Variants in SESN1 observed in about 807,000 individuals in gnomAD.
SESN1 encodes the protein sestrin-1.
SESN1 carries 30 observed loss-of-function variants against 59.3 expected under a neutral mutation model. That is an observed-to-expected ratio of 0.51 (90% CI 0.38 to 0.69). The LOEUF (loss-of-function observed/expected upper bound fraction) is 0.69, where lower values mean the gene tolerates loss of function less well. SESN1 is among the 30% of genes least tolerant of loss of function. The pLI is 0.00. For missense variants in SESN1, 566 were observed against 673.0 expected (o/e 0.84, Z 1.76); for synonymous variants, 197 against 219.9 (o/e 0.90, Z 0.92).
chr6:109,070,898 T>C (rs1005929540), intron 1 of SESN1, among the ~76,000 whole-genome samples: 3 of 152,188 alleles, frequency 2.0e-5, no homozygotes, highest in African/African-American at 7.2e-5. Context: ...TGCTGACCCA[T>C]AGGCTACACC....
chr6:109,001,631 C>T, intron 2 of SESN1, 143 bp from the exon 3 acceptor site: 1 of 704,868 alleles, frequency 1.4e-6, no homozygotes, highest in Non-Finnish European at 2.4e-6. Flanking sequence ...TTAAACTCAA[C>T]TGGTTGAAAG....
At chr6:109,026,353 T>C (rs577977619) in intron 1 of SESN1, among the ~76,000 whole-genome samples, 1 of 152,298 alleles carries the variant, frequency 6.6e-6, no homozygotes, top group African/African-American at 2.4e-5. Flanking sequence ...AAAAGTTCTT[T>C]GTATTTAAGA....
intron 1 of SESN1, among the ~76,000 whole-genome samples, chr6:109,071,303 A>C (rs1323298835): frequency 6.6e-6 from 1 of 152,056 alleles, no homozygotes; most frequent in South Asian, 2.1e-4. Context: ...GAGGGTAAGA[A>C]GAGGTGCTAT....
chr6:109,010,681 TATACTGCTTTTAA>T, intron 1 of SESN1, among the ~76,000 whole-genome samples: 1 of 152,242 alleles, frequency 6.6e-6, no homozygotes, highest in Non-Finnish European at 1.5e-5. Flanking sequence ...ATATGTTCTC[TATACTGCTTTTAA>T]AAAATAGCTA....
Position 109,032,059 on chromosome 6 carries a change from CGA to C in SESN1, c.280-29718_280-29717del, listed in dbSNP as rs1214963198. 3.9e-5 allele frequency among the ~76,000 whole-genome samples: 6 copies of C among 152,076 alleles called. No individual in the cohort carries two copies. The East Asian group carries it at 1.2e-3, about 29-fold the overall frequency. ...GAATTTTCCGCGGATCACCTGAGGTCGAGAGTTTGAGACCAGCCTGACCAACA... is the reference window on the plus strand; with the variant it reads ...GAATTTTCCGCGGATCACCTGAGGTCGAGTTTGAGACCAGCCTGACCAACA... On this transcript the variant is annotated intron_variant, in intron 1 of 9. Transcript: ENST00000436639.
rs73518333 is a variant in SESN1, at chr6:109,001,184, A to G, written c.546+104T>C. 17 of 926,254 alleles carry G rather than the reference A, an allele frequency of 1.8e-5. No individual in the cohort carries two copies. In the South Asian group the frequency reaches 2.8e-4, roughly 15 times the overall value. The allele number at this position is 926,254 out of a possible 1,614,324, so 57.4% of individuals were successfully genotyped here. A position where few individuals can be genotyped will look rare whatever the true frequency, so the allele number is the denominator to read the frequency against. The stretch of plus-strand genomic sequence containing the variant: ...GACTGTGCAACAGGAATCATATTAT[A>G]TATCATAATCTAAGTATTTATCCCT... On this transcript the variant is annotated intron_variant, in intron 3 of 9. Transcript: ENST00000436639.
intron 1 of SESN1, among the ~76,000 whole-genome samples, chr6:109,059,835 A>G (rs1279224248): frequency 1.3e-5 from 2 of 152,220 alleles, no homozygotes; most frequent in African/African-American, 4.8e-5. Context: ...AAAGTTACTT[A>G]TGATAATATT....
rs1780942338 is a variant in SESN1, at chr6:109,071,931, T to A, written c.279+21864A>T. On this transcript the variant is annotated intron_variant, in intron 1 of 9. Transcript: ENST00000436639. ...TTAATCTTTTAAGATCACAATCTCT[T>A]TGAAAATCTGATAAAACACGGGCTC... Among the ~76,000 whole-genome samples, 2 of 152,330 alleles carry A rather than the reference T, an allele frequency of 1.3e-5. 1 individual carries two copies. Among genetic ancestry groups the A allele is most frequent in the Middle Eastern group, 6.8e-3 (2 of 294 alleles).
At chr6:109,090,151 T>A (rs936595737) in intron 1 of SESN1, among the ~76,000 whole-genome samples, 1 of 152,242 alleles carries the variant, frequency 6.6e-6, no homozygotes, top group Non-Finnish European at 1.5e-5. Flanking sequence ...TTTATTTTAT[T>A]CTCACAGCAA....
intron 5 of SESN1, among the ~76,000 whole-genome samples, chr6:108,995,834 A>T (rs1779493446): frequency 6.7e-6 from 1 of 150,042 alleles, no homozygotes; most frequent in African/African-American, 2.4e-5. Flanking sequence ...TACATACAAA[A>T]TTAATGTTTC....
rs1781469349 is a variant in SESN1, at chr6:109,094,796, G to C, written c.-723C>G. On this transcript the variant is annotated 5_prime_UTR_variant, in exon 1 of 10. Transcript: ENST00000436639. ...CCTCGCCCACCACCGCCGAGCCAGAGGGCACAGGGCGGCCCTGGCAATCCT... is the reference window on the plus strand; with the variant it reads ...CCTCGCCCACCACCGCCGAGCCAGACGGCACAGGGCGGCCCTGGCAATCCT... 6.6e-6 allele frequency: 1 copy of C among 152,284 alleles called. No homozygotes were observed. The highest frequency in any genetic ancestry group is 2.1e-4 in the South Asian group (1 of 4,836). The allele number at this position is 152,284 out of a possible 1,614,324, so 9.4% of individuals were successfully genotyped here. A position where few individuals can be genotyped will look rare whatever the true frequency, so the allele number is the denominator to read the frequency against.
Position 109,054,235 on chromosome 6 carries a change from A to G in SESN1, c.279+39560T>C, listed in dbSNP as rs559330124. ...ACTCTGAAAGTTATGATGATGGAAT[A>G]GAACTTAAATGTCATAGATCTTAAG... On this transcript the variant is annotated intron_variant, in intron 1 of 9. Coordinates refer to ENST00000436639, the MANE Select transcript of SESN1 (RefSeq NM_014454.3). 9.8e-5 allele frequency among the ~76,000 whole-genome samples: 15 copies of G among 152,326 alleles called. No homozygotes were observed. The South Asian group carries it at 3.1e-3, about 32-fold the overall frequency.
chr6:108,991,065 T>C (rs1366652692), intron 7 of SESN1, among the ~76,000 whole-genome samples: 3 of 141,926 alleles, frequency 2.1e-5, no homozygotes, highest in Admixed American at 6.9e-5. Flanking sequence ...TAGTCTCATC[T>C]CAAAAAAAAA....
chr6:109,090,819 G>A (rs778846538), intron 1 of SESN1, among the ~76,000 whole-genome samples: 4 of 152,180 alleles, frequency 2.6e-5, no homozygotes, highest in Non-Finnish European at 1.5e-5. Context: ...CAGAGGGCTG[G>A]AGGACAATGA....
intron 1 of SESN1, among the ~76,000 whole-genome samples, chr6:109,066,853 G>C (rs1780836675): frequency 6.6e-6 from 1 of 151,704 alleles, no homozygotes; most frequent in Non-Finnish European, 1.5e-5. Flanking sequence ...CCTGGGTCAA[G>C]TGTCAATGAA....
chr6:109,085,034 AC>A (rs1291800666), intron 1 of SESN1, among the ~76,000 whole-genome samples: 1 of 150,698 alleles, frequency 6.6e-6, no homozygotes, highest in Non-Finnish European at 1.5e-5. Flanking sequence ...TTTTAAAAAA[AC>A]AAGCATCTTT....
chr6:109,001,298 A>G lies in SESN1; in HGVS notation c.536T>C (p.Ile179Thr), dbSNP rs151284724. 1.5e-4 allele frequency: 242 copies of G among 1,613,390 alleles called. No homozygotes were observed. Among genetic ancestry groups the G allele is most frequent in the Non-Finnish European group, 1.9e-4 (225 of 1,179,570 alleles). ...GPLPLHYRHY[I>T]GIMAAARHQC... ...TGAATGTTTACAAACCATTATTCCAATGTAGTGACGATAATGTAGGGGTAA... is the reference window on the plus strand; with the variant it reads ...TGAATGTTTACAAACCATTATTCCAGTGTAGTGACGATAATGTAGGGGTAA... The change falls in exon 3 of 10, where the codon ATT (isoleucine) becomes ACT (threonine). Residue 179 changes from isoleucine to threonine, a missense_variant. Physicochemically the swap from Ile to Thr is moderately conservative, Grantham distance 89. Transcript: ENST00000436639.
chr6:109,005,586 C>T (rs1281557529), intron 1 of SESN1, among the ~76,000 whole-genome samples: 2 of 152,136 alleles, frequency 1.3e-5, no homozygotes, highest in African/African-American at 4.8e-5. Flanking sequence ...AAGAAGGTGG[C>T]TATGAATGCT....
chr6:109,023,416 A>G (rs1187637239), intron 1 of SESN1, among the ~76,000 whole-genome samples: 1 of 152,260 alleles, frequency 6.6e-6, no homozygotes, highest in East Asian at 1.9e-4. Flanking sequence ...TTACCATGCT[A>G]ACAGTGACTG....
Sources: gnomAD v4.1 joint callset for allele counts (sites outside exome capture counted in the v4.1 genomes callset) on GRCh38, gnomAD v4.1.1 for gene constraint, MANE v1.5 for transcripts, NCBI Gene and HGNC (gene_info 2026-07-23, HGNC 2026-07-21) for gene names.